The following CSMD1 variants were observed in gnomAD, a reference collection of about 807,000 sequenced individuals.
The protein encoded by CSMD1 is CUB and Sushi multiple domains 1.
Under a neutral mutation model 417.5 loss-of-function variants are expected in CSMD1, and 213 were observed. The observed-to-expected ratio is 0.51, with a 90% CI of 0.46 to 0.57. The LOEUF is 0.57. CSMD1 is among the 20% of genes least tolerant of loss of function. The probability of loss-of-function intolerance (pLI) is 0.00; values close to 1 mark genes in which losing one functional copy is unlikely to be tolerated. For synonymous variants in CSMD1, 2,862 were observed against 1,736.8 expected, an observed-to-expected ratio of 1.65 and a Z score of -16.11; for missense variants, 6,923 against 4,529.7, an observed-to-expected ratio of 1.53 and a Z score of -15.17.
chr8:3,565,131 C>CAAAAAAAAAAAAAAAAAAAAAAAAAA (rs869248314), intron 10 of CSMD1, among the ~76,000 whole-genome samples: 1 of 10,448 alleles, frequency 9.6e-5, no homozygotes, highest in Non-Finnish European at 1.9e-4. Context: ...TGCAAGACAG[C>CAAAAAAAAAAAAAAAAAAAAAAAAAA]AAAAAAAAAA....
chr8:4,241,209 G>C (rs896247532), intron 3 of CSMD1, among the ~76,000 whole-genome samples: 1 of 152,130 alleles, frequency 6.6e-6, no homozygotes, highest in Admixed American at 6.5e-5. Flanking sequence ...CAAAGTCCAT[G>C]ACTTGTAGCA....
chr8:3,482,286 T>C (rs1264539892), intron 11 of CSMD1, among the ~76,000 whole-genome samples: 1 of 151,996 alleles, frequency 6.6e-6, no homozygotes, highest in Non-Finnish European at 1.5e-5. Context: ...AAAATATATG[T>C]CAAAATCAAT....
chr8:4,617,067 T>G (rs1041405781), intron 2 of CSMD1, among the ~76,000 whole-genome samples: 5 of 152,122 alleles, frequency 3.3e-5, no homozygotes, highest in Non-Finnish European at 7.4e-5. Context: ...TTTTTATAAA[T>G]AATAGATGTT....
chr8:3,963,650 G>C (rs879944222), intron 5 of CSMD1, among the ~76,000 whole-genome samples: 2 of 152,098 alleles, frequency 1.3e-5, no homozygotes, highest in East Asian at 3.8e-4. Flanking sequence ...AAATACTAAA[G>C]CTATGTGCGT....
chr8:3,000,322 GA>G (rs1367896799), intron 52 of CSMD1, among the ~76,000 whole-genome samples, 191 bp from the exon 53 acceptor site: 2 of 148,540 alleles, frequency 1.3e-5, no homozygotes, highest in South Asian at 2.2e-4. Context: ...AGAAATCCTG[GA>G]AAAAATAAGT....
intron 2 of CSMD1, among the ~76,000 whole-genome samples, chr8:4,453,957 G>A (rs1265246659): frequency 1.3e-5 from 2 of 151,266 alleles, no homozygotes; most frequent in Admixed American, 6.6e-5. Flanking sequence ...GAGTAGCTGG[G>A]ACTACAGGCG....
At chr8:3,439,287 A>G (rs1417171233) in intron 12 of CSMD1, among the ~76,000 whole-genome samples, 12 of 40,288 alleles carry the variant, frequency 3.0e-4, no homozygotes, top group Non-Finnish European at 4.1e-4. Context: ...GTCAGTATAT[A>G]TATATATATA....
chr8:4,014,611 A>G (rs890918026), intron 4 of CSMD1, among the ~76,000 whole-genome samples: 1 of 152,186 alleles, frequency 6.6e-6, no homozygotes. Context: ...ATTAAAAGTA[A>G]TATTAGCCCA....
At chr8:4,081,617 G>A (rs1800138057) in intron 3 of CSMD1, among the ~76,000 whole-genome samples, 1 of 152,080 alleles carries the variant, frequency 6.6e-6, no homozygotes, top group South Asian at 2.1e-4. Context: ...TAAATTTTTT[G>A]AAGGACAAAT....
intron 1 of CSMD1, among the ~76,000 whole-genome samples, chr8:4,657,492 A>T (rs753316249): frequency 3.5e-4 from 54 of 152,194 alleles, no homozygotes; most frequent in Admixed American, 1.4e-3. Context: ...TTTAAACATT[A>T]GTTAAAGGGA....
At chr8:3,922,014 C>T (rs961604700) in intron 5 of CSMD1, among the ~76,000 whole-genome samples, 4 of 152,008 alleles carry the variant, frequency 2.6e-5, no homozygotes, top group African/African-American at 9.7e-5. Flanking sequence ...ATATTGTTTT[C>T]TATTTTCCCT....
chr8:3,636,076 A>ATT (rs35424624), intron 7 of CSMD1, among the ~76,000 whole-genome samples: 4 of 151,874 alleles, frequency 2.6e-5, no homozygotes, highest in African/African-American at 7.2e-5. Flanking sequence ...CTATTTTATT[A>ATT]TTTTTTTGTA....
Position 4,805,439 on chromosome 8 carries a change from C to G in CSMD1, c.86-167881G>C, listed in dbSNP as rs146734426. Reference sequence around the variant, plus strand: ...GTGACCGAGTCCTTGCCTACTACAGCCAGGAGGCTCAGTGGGTTGAGAAGC... The same window carrying G: ...GTGACCGAGTCCTTGCCTACTACAGGCAGGAGGCTCAGTGGGTTGAGAAGC... On this transcript the variant is annotated intron_variant, in intron 1 of 69. Coordinates refer to ENST00000635120, the MANE Select transcript of CSMD1 (RefSeq NM_033225.6). 8.8e-3 allele frequency among the ~76,000 whole-genome samples: 1,332 copies of G among 152,212 alleles called. 15 individuals are homozygous for G. The highest frequency in any genetic ancestry group is 0.03 in the African/African-American group (1,243 of 41,526).
intron 8 of CSMD1, among the ~76,000 whole-genome samples, chr8:3,615,600 T>C (rs924505678): frequency 3.9e-5 from 6 of 152,192 alleles, no homozygotes; most frequent in African/African-American, 1.4e-4. Flanking sequence ...AACTTCAATA[T>C]AGACACACTA....
At chr8:4,082,198 A>G (rs911633522) in intron 3 of CSMD1, among the ~76,000 whole-genome samples, 10 of 152,120 alleles carry the variant, frequency 6.6e-5, no homozygotes, top group Non-Finnish European at 1.3e-4. Context: ...CTGTGAATAA[A>G]TTTTTCCCCA....
intron 1 of CSMD1, among the ~76,000 whole-genome samples, chr8:4,957,156 A>C (rs1437111964): frequency 2.0e-5 from 3 of 152,208 alleles, no homozygotes; most frequent in African/African-American, 7.2e-5. Flanking sequence ...ATTAGGTAAA[A>C]ACAGTTTGTG....
At chr8:3,696,673 A>T (rs1036528633) in intron 7 of CSMD1, among the ~76,000 whole-genome samples, 1 of 152,232 alleles carries the variant, frequency 6.6e-6, no homozygotes, top group African/African-American at 2.4e-5. Context: ...TCCATTTTGC[A>T]GATAAGACAA....
chr8:3,056,752 A>G (rs1812256018), intron 49 of CSMD1, among the ~76,000 whole-genome samples: 1 of 136,652 alleles, frequency 7.3e-6, no homozygotes, highest in Non-Finnish European at 1.6e-5. Flanking sequence ...GAATATGTAT[A>G]TATAACTTTA....
At chr8:4,938,522 C>A (rs147028967) in intron 1 of CSMD1, among the ~76,000 whole-genome samples, 2,028 of 152,192 alleles carry the variant, frequency 0.013, 22 homozygotes, top group Non-Finnish European at 0.02. Flanking sequence ...TGGTGACTAC[C>A]CAGACACTGT....
Sources: gnomAD v4.1 joint callset for allele counts (sites outside exome capture counted in the v4.1 genomes callset) on GRCh38, gnomAD v4.1.1 for gene constraint, MANE v1.5 for transcripts, NCBI Gene and HGNC (gene_info 2026-07-23, HGNC 2026-07-21) for gene names.